Variants in USPL1 observed in about 807,000 individuals in gnomAD.
The protein encoded by USPL1 is ubiquitin specific peptidase like 1, also known as SUMO-specific isopeptidase USPL1.
In USPL1, 27 loss-of-function variants were observed where a neutral mutation model predicts 51.5. The ratio of observed to expected loss-of-function variants is 0.52; its 90% CI spans 0.39 to 0.72. The LOEUF is 0.72. Among genes scored for constraint, USPL1 ranks in the 30% least tolerant of loss-of-function variants. USPL1 has a pLI of 0.00. For missense variants in USPL1, 1,226 were observed against 1,268.0 expected, an observed-to-expected ratio of 0.97 and a Z score of 0.50; for synonymous variants, 451 against 459.6, an observed-to-expected ratio of 0.98 and a Z score of 0.24.
intron 7 of USPL1, among the ~76,000 whole-genome samples, chr13:30,650,260 C>T (rs142540871): frequency 3.4e-3 from 512 of 152,270 alleles, no homozygotes; most frequent in Non-Finnish European, 5.3e-3. Context: ...GTAAGTTTTA[C>T]CATTTTAAAA....
At chr13:30,623,812 A>G (rs577510864) in intron 3 of USPL1, among the ~76,000 whole-genome samples, 2 of 152,292 alleles carry the variant, frequency 1.3e-5, no homozygotes, top group Admixed American at 6.5e-5. Context: ...TTTGGATTTA[A>G]TGAGTGGGTT....
Position 30,657,753 on chromosome 13 carries a change from C to T in USPL1, c.1676C>T (p.Thr559Ile), listed in dbSNP as rs138543134. 1 of 1,614,100 alleles carries T rather than the reference C, an allele frequency of 6.2e-7. No homozygotes were observed. The highest frequency in any genetic ancestry group is 1.3e-5 in the African/African-American group (1 of 74,948). The change falls in exon 9 of 9, where the codon ACT (threonine) becomes ATT (isoleucine). Residue 559 changes from threonine to isoleucine, a missense_variant. Physicochemically the swap from Thr to Ile is moderately conservative, Grantham distance 89 (BLOSUM62 -1). Coordinates refer to ENST00000255304, the MANE Select transcript of USPL1 (RefSeq NM_005800.5). ...AAAGATATATCAGTTGCCCCTCGTA[C>T]TCTTTCACAGGACACAGCTGTAACT... ...HPKDISVAPRTLSQDTAVTHG... is the reference protein window; with the variant it reads ...HPKDISVAPRILSQDTAVTHG...
intron 3 of USPL1, among the ~76,000 whole-genome samples, chr13:30,630,260 T>C (rs1593366550): frequency 6.6e-6 from 1 of 152,334 alleles, no homozygotes. Flanking sequence ...TTTAGTGATA[T>C]GTTTACATTG....
intron 3 of USPL1, among the ~76,000 whole-genome samples, chr13:30,630,616 T>C (rs1301221259): frequency 6.6e-6 from 1 of 152,208 alleles, no homozygotes; most frequent in African/African-American, 2.4e-5. Flanking sequence ...ATTAAACCCT[T>C]GATTGTTCAA....
Position 30,631,402 on chromosome 13 carries a change from T to G in USPL1, c.796T>G (p.Phe266Val). The G allele has an allele frequency of 1.2e-6, 2 of 1,614,262 alleles. No homozygotes were observed. Among genetic ancestry groups the G allele is most frequent in the Non-Finnish European group, 1.7e-6 (2 of 1,180,048 alleles). ...ACTGTGCTCGAAGGAGGAATCTATA[T>G]TCTGGCGGTTGCTTACAAAATATAA... is the stretch of plus-strand genomic sequence containing the variant. ...TGLCSKEESI[F>V]WRLLTKYNQA... Residue 266 changes from phenylalanine to valine, a missense_variant, in exon 4 of 9, where the codon TTC becomes GTC. Transcript: ENST00000255304.
intron 3 of USPL1, among the ~76,000 whole-genome samples, chr13:30,627,451 T>C (rs1173032511): frequency 6.6e-6 from 1 of 151,962 alleles, no homozygotes; most frequent in Non-Finnish European, 1.5e-5. Flanking sequence ...TGAAGACACT[T>C]GCGAAGAGTG....
rs1383660786 is a variant in USPL1, at chr13:30,658,152, A to C, written c.2075A>C (p.Lys692Thr). ...GCTACTGGTCTTATACAGGGAGTGA[A>C]GTCAGTAGAAATTGAGAAGGACGCT... ...TDATGLIQGV[K>T]SVEIEKDAQL... is the part of the protein sequence containing the mutation. Residue 692 changes from lysine (K) to threonine (T), a missense_variant, in exon 9 of 9, where the codon AAG (lysine) becomes ACG (threonine). By Grantham distance (78) the Lys-to-Thr change is moderately conservative. Coordinates refer to ENST00000255304, the MANE Select transcript of USPL1 (RefSeq NM_005800.5). 6.2e-7 allele frequency: 1 copy of C among 1,613,452 alleles called. No homozygotes were observed. The highest frequency in any genetic ancestry group is 8.5e-7 in the Non-Finnish European group (1 of 1,179,926).
Position 30,657,673 on chromosome 13 carries a change from A to G in USPL1, c.1596A>G (p.Thr532=), listed in dbSNP as rs767218371. ...ALSNEKPVSL[T]SCSVGDAASA... is the part of the protein sequence containing the mutation. Reference sequence around the variant, plus strand: ...GTAATGAGAAACCAGTATCTTTAACATCGTGTTCTGTGGGTGATGCTGCCT... The same window carrying G: ...GTAATGAGAAACCAGTATCTTTAACGTCGTGTTCTGTGGGTGATGCTGCCT... The change falls in exon 9 of 9, where the codon ACA becomes ACG. Residue 532 remains threonine, a synonymous_variant. Coordinates refer to ENST00000255304, the MANE Select transcript of USPL1 (RefSeq NM_005800.5). 2 of 1,614,048 alleles carry G rather than the reference A, an allele frequency of 1.2e-6. No homozygotes were observed. Among genetic ancestry groups the G allele is most frequent in the Non-Finnish European group, 8.5e-7 (1 of 1,180,014 alleles).
At position 30,631,044 on chromosome 13, in the gene USPL1, T is replaced by C. The variant is rs1490707523; in HGVS notation, c.438T>C (p.Tyr146=). The part of the protein sequence containing the change: ...VLNSKHNGEV[Y]DETSSNLPDS... ...ACAGCAAACATAATGGAGAAGTATA[T>C]GACGAAACCTCGTCAAACTTACCTG... Residue 146 remains tyrosine, a synonymous_variant, in exon 4 of 9, where the codon TAT becomes TAC. Transcript: ENST00000255304. 5 of 1,614,170 alleles carry C rather than the reference T, an allele frequency of 3.1e-6. No individual in the cohort carries two copies. The highest frequency in any genetic ancestry group is 4.2e-6 in the Non-Finnish European group (5 of 1,180,042).
At position 30,642,701 on chromosome 13, in the gene USPL1, A is replaced by C; in HGVS notation, c.1056A>C (p.Leu352=). 1.2e-6 allele frequency: 2 copies of C among 1,613,820 alleles called. No homozygotes were observed. The highest frequency in any genetic ancestry group is 1.7e-6 in the Non-Finnish European group (2 of 1,179,876). Residue 352 remains leucine, a synonymous_variant, in exon 6 of 9, where the codon CTA becomes CTC. Transcript: ENST00000255304. ...AAACCCACATTGAAAAGCTCTTCCTATATTCTTTTTCTTGGGACTTTGAAT... is the reference window on the plus strand; with the variant it reads ...AAACCCACATTGAAAAGCTCTTCCTCTATTCTTTTTCTTGGGACTTTGAAT... The part of the protein sequence containing the change: ...KLETHIEKLF[L]YSFSWDFECS...
rs560977617 is a variant in USPL1 at position 30,637,604 on chromosome 13, G to T, written c.869-140G>T. On this transcript the variant is annotated intron_variant, in intron 4 of 8. Coordinates refer to ENST00000255304, the MANE Select transcript of USPL1 (RefSeq NM_005800.5). The stretch of plus-strand genomic sequence containing the variant: ...GAATATATGGTATACCACAGAGAAA[G>T]AATTAAGGAAATTTTGTGTTTTGCT... 1.4e-5 allele frequency: 9 copies of T among 635,794 alleles called. No individual in the cohort carries two copies. The Admixed American group carries it at 2.3e-4, about 17-fold the overall frequency. The allele number at this position is 635,794 out of a possible 1,614,324, so 39.4% of individuals were successfully genotyped here.
rs1950713392 is a variant in USPL1 at position 30,626,208 on chromosome 13, G to A, written c.228+4316G>A. ...ATATGCCTGTAATCCCAGCTACTTG[G>A]GAGGCTGAGGCAGGAGAGTCGCTTG... On this transcript the variant is annotated intron_variant, in intron 3 of 8. Coordinates refer to ENST00000255304, the MANE Select transcript of USPL1 (RefSeq NM_005800.5). Among the ~76,000 whole-genome samples, 3 of 152,120 alleles carry A rather than the reference G, an allele frequency of 2.0e-5. No individual in the cohort carries two copies. In the South Asian group the frequency reaches 6.2e-4, roughly 31 times the overall value.
chr13:30,641,650 G>C (rs1446957100), intron 5 of USPL1, among the ~76,000 whole-genome samples: 1 of 151,944 alleles, frequency 6.6e-6, no homozygotes. Context: ...AGCATTCACT[G>C]TTCAGTTATT....
intron 1 of USPL1, among the ~76,000 whole-genome samples, chr13:30,619,354 A>G (rs1950617670): frequency 6.6e-6 from 1 of 152,242 alleles, no homozygotes; most frequent in East Asian, 1.9e-4. Context: ...CCACCAACCT[A>G]TCTGGTTTTT....
intron 4 of USPL1, among the ~76,000 whole-genome samples, chr13:30,632,406 A>ATTTTTTT (rs60539080): frequency 4.8e-5 from 4 of 83,670 alleles, no homozygotes; most frequent in African/African-American, 5.2e-5. Flanking sequence ...TGCTATTGTG[A>ATTTTTTT]TTTTTTTTTT....
intron 5 of USPL1, among the ~76,000 whole-genome samples, chr13:30,638,252 G>T (rs1950901974): frequency 6.6e-6 from 1 of 152,138 alleles, no homozygotes; most frequent in Non-Finnish European, 1.5e-5. Flanking sequence ...CTCAGGGATG[G>T]GGCTCAGGAA....
At chr13:30,628,550 G>T (rs938417924) in intron 3 of USPL1, among the ~76,000 whole-genome samples, 1 of 151,946 alleles carries the variant, frequency 6.6e-6, no homozygotes, top group Non-Finnish European at 1.5e-5. Context: ...CCCCCTACCC[G>T]CCGACAGGCC....
In USPL1 at chr13:30,631,114, G is replaced by GA; in HGVS notation, c.509dup (p.Arg171AlafsTer3). 1 of 1,614,152 alleles carries GA rather than the reference G, an allele frequency of 6.2e-7. No homozygotes were observed. Among genetic ancestry groups the GA allele is most frequent in the Non-Finnish European group, 8.5e-7 (1 of 1,180,048 alleles). ...TCCAATTAGGACAGCTGATTCCTTG[G>GA]AGCGGAATGAGATTTTGGAAGCTGA... On this transcript the variant is annotated frameshift_variant, in exon 4 of 9. Coordinates refer to ENST00000255304, the MANE Select transcript of USPL1 (RefSeq NM_005800.5). LOFTEE classifies it high-confidence loss of function.
rs573693020 is a variant in USPL1, at chr13:30,644,367, G to A, written c.1112+1610G>A. Among the ~76,000 whole-genome samples, 4 of 151,752 alleles carry A rather than the reference G, an allele frequency of 2.6e-5. No homozygotes were observed. In the Middle Eastern group the frequency reaches 0.01, roughly 392 times the overall value. On this transcript the variant is annotated intron_variant, in intron 6 of 8. Transcript: ENST00000255304. Reference sequence around the variant, plus strand: ...GGTATTTAAGGAGTAGTCAAGGAGAGTTCAGTCTGGGAGGATGCTCCAGGG... The same window carrying A: ...GGTATTTAAGGAGTAGTCAAGGAGAATTCAGTCTGGGAGGATGCTCCAGGG...
Sources: allele counts gnomAD v4.1 joint callset (sites outside exome capture counted in the v4.1 genomes callset), GRCh38; gene constraint gnomAD v4.1.1; transcripts MANE v1.5; gene names NCBI Gene and HGNC (gene_info 2026-07-23, HGNC 2026-07-21).